Variants in DSCAM observed in about 807,000 individuals in gnomAD.
DSCAM encodes DS cell adhesion molecule.
DSCAM carries 47 observed loss-of-function variants against 217.7 expected under a neutral mutation model. That is an observed-to-expected ratio of 0.22 (90% CI 0.17 to 0.28). DSCAM has a LOEUF of 0.28. Ranked by LOEUF, DSCAM falls within the 10% of genes least tolerant of loss-of-function variation. The pLI is 1.00. For missense variants in DSCAM, 2,080 were observed against 2,618.3 expected (o/e 0.79, Z 4.49); for synonymous variants, 1,056 against 1,015.3 (o/e 1.04, Z -0.76).
At chr21:40,822,714 T>C (rs1227970120) in intron 1 of DSCAM, among the ~76,000 whole-genome samples, 2 of 152,346 alleles carry the variant, frequency 1.3e-5, no homozygotes, top group East Asian at 3.9e-4. Flanking sequence ...TGCCAGTTCC[T>C]CACAATCTGT....
intron 13 of DSCAM, 21 bp downstream of exon 13, chr21:40,187,870 C>T (rs2090912012): frequency 6.3e-7 from 1 of 1,594,888 alleles, no homozygotes; most frequent in Non-Finnish European, 8.6e-7. Flanking sequence ...TGTTTATTCT[C>T]TTACGCTATC....
At chr21:40,440,385 G>C (rs933840299) in intron 3 of DSCAM, among the ~76,000 whole-genome samples, 1 of 150,242 alleles carries the variant, frequency 6.7e-6, no homozygotes, top group African/African-American at 2.5e-5. Context: ...TGAGTGGATG[G>C]AATGAGTTGA....
At chr21:40,688,769 G>A (rs969076578) in intron 3 of DSCAM, among the ~76,000 whole-genome samples, 1 of 152,212 alleles carries the variant, frequency 6.6e-6, no homozygotes, top group African/African-American at 2.4e-5. Flanking sequence ...GAAGAGCTCA[G>A]GCAGGCAGAA....
chr21:40,475,843 T>TA (rs544869000), intron 3 of DSCAM, among the ~76,000 whole-genome samples: 8,260 of 151,736 alleles, frequency 0.054, 605 homozygotes, highest in African/African-American at 0.15. Context: ...ATAAATAAAT[T>TA]AATAAATAAA....
At chr21:40,586,676 T>C (rs1333507396) in intron 3 of DSCAM, among the ~76,000 whole-genome samples, 1 of 152,192 alleles carries the variant, frequency 6.6e-6, no homozygotes, top group African/African-American at 2.4e-5. Context: ...TCTGGTGACA[T>C]TGCTGTATAT....
At chr21:40,773,700 G>T (rs891056431) in intron 1 of DSCAM, among the ~76,000 whole-genome samples, 5 of 152,212 alleles carry the variant, frequency 3.3e-5, no homozygotes, top group African/African-American at 1.2e-4. Context: ...TCCCTCTGAT[G>T]CCATAGAAAG....
At chr21:40,450,536 G>C (rs753374418) in intron 3 of DSCAM, among the ~76,000 whole-genome samples, 2 of 152,156 alleles carry the variant, frequency 1.3e-5, no homozygotes. Context: ...CCTTGATTTA[G>C]GATTCATGGA....
chr21:40,672,160 C>T (rs1276399345), intron 3 of DSCAM, among the ~76,000 whole-genome samples: 1 of 152,070 alleles, frequency 6.6e-6, no homozygotes, highest in Non-Finnish European at 1.5e-5. Flanking sequence ...ATCTTAATTA[C>T]TTCCTTAAGT....
At chr21:40,631,433 G>T (rs2089690123) in intron 3 of DSCAM, among the ~76,000 whole-genome samples, 1 of 152,162 alleles carries the variant, frequency 6.6e-6, no homozygotes, top group East Asian at 1.9e-4. Context: ...AAAATAAAAT[G>T]TGTCTGAATT....
At chr21:40,574,267 A>G (rs1192819334) in intron 3 of DSCAM, among the ~76,000 whole-genome samples, 3 of 152,250 alleles carry the variant, frequency 2.0e-5, no homozygotes, top group Non-Finnish European at 4.4e-5. Context: ...CTTAAAAAGA[A>G]TAACAGGTCA....
chr21:40,729,933 C>T (rs1005872491), intron 1 of DSCAM, among the ~76,000 whole-genome samples: 2 of 152,144 alleles, frequency 1.3e-5, no homozygotes, highest in South Asian at 2.1e-4. Context: ...AGAATGAATT[C>T]GCCGAGTCAC....
In DSCAM at chr21:40,150,297, A is replaced by G. The variant is rs75714155; in HGVS notation, c.3019-5566T>C. 2.6e-3 allele frequency among the ~76,000 whole-genome samples: 401 copies of G among 152,362 alleles called. 14 individuals are homozygous for G. In the East Asian group the frequency reaches 0.049, roughly 19 times the overall value. On this transcript the variant is annotated intron_variant, in intron 16 of 32. Coordinates refer to ENST00000400454, the MANE Select transcript of DSCAM (RefSeq NM_001389.5). ...TTAGTTTTGTAAAGTAATAGTATACATGGCATTTCTAATCAGAGGAAAATT... is the reference window on the plus strand; with the variant it reads ...TTAGTTTTGTAAAGTAATAGTATACGTGGCATTTCTAATCAGAGGAAAATT...
chr21:40,247,254 C>T (rs904291482), intron 11 of DSCAM, among the ~76,000 whole-genome samples: 18 of 152,136 alleles, frequency 1.2e-4, no homozygotes. Context: ...AATCTCATGT[C>T]CTCACATTTC....
At chr21:40,057,282 T>C (rs1005464697) in intron 28 of DSCAM, among the ~76,000 whole-genome samples, 1 of 152,190 alleles carries the variant, frequency 6.6e-6, no homozygotes, top group Non-Finnish European at 1.5e-5. Context: ...TTAACTAACT[T>C]GTCATTCGTT....
chr21:40,815,005 C>T (rs911991969), intron 1 of DSCAM, among the ~76,000 whole-genome samples: 1 of 152,144 alleles, frequency 6.6e-6, no homozygotes, highest in Admixed American at 6.5e-5. Flanking sequence ...AGAAGGGCCA[C>T]ACATCAAATT....
intron 1 of DSCAM, among the ~76,000 whole-genome samples, chr21:40,758,784 A>C (rs1438261292): frequency 2.6e-5 from 4 of 151,990 alleles, no homozygotes; most frequent in Non-Finnish European, 4.4e-5. Flanking sequence ...TCACACCCCA[A>C]ATGGTCTTGT....
intron 1 of DSCAM, among the ~76,000 whole-genome samples, chr21:40,736,676 T>G (rs2091066549): frequency 6.6e-6 from 1 of 152,194 alleles, no homozygotes; most frequent in South Asian, 2.1e-4. Context: ...TCAGGACATC[T>G]CAAGGGTTTT....
chr21:40,486,025 T>C (rs1039048400), intron 3 of DSCAM, among the ~76,000 whole-genome samples: 1 of 152,176 alleles, frequency 6.6e-6, no homozygotes, highest in Non-Finnish European at 1.5e-5. Flanking sequence ...CTACGTACTA[T>C]AAACTGAGGG....
chr21:40,493,491 A>G (rs944931614), intron 3 of DSCAM, among the ~76,000 whole-genome samples: 4 of 152,204 alleles, frequency 2.6e-5, no homozygotes, highest in African/African-American at 9.6e-5. Flanking sequence ...TCAAAGACAA[A>G]ACCATTAAAA....
Sources: gnomAD v4.1 joint callset for allele counts (sites outside exome capture counted in the v4.1 genomes callset) on GRCh38, gnomAD v4.1.1 for gene constraint, MANE v1.5 for transcripts, NCBI Gene and HGNC (gene_info 2026-07-23, HGNC 2026-07-21) for gene names.